APLP2: variants seen among roughly 807,000 people sequenced by gnomAD.
APLP2 encodes CDEI box-binding protein.
Under a neutral mutation model 89.9 loss-of-function variants are expected in APLP2, and 53 were observed. The ratio of observed to expected loss-of-function variants is 0.59; its 90% CI spans 0.47 to 0.74. The LOEUF (loss-of-function observed/expected upper bound fraction) is 0.74, where lower values mean the gene tolerates loss of function less well. APLP2 is among the 30% of genes least tolerant of loss of function. The probability of loss-of-function intolerance (pLI) is 0.00; values close to 1 mark genes in which losing one functional copy is unlikely to be tolerated. For missense variants in APLP2, 973 were observed against 975.9 expected, an observed-to-expected ratio of 1.00 and a Z score of 0.04; for synonymous variants, 372 against 348.6, an observed-to-expected ratio of 1.07 and a Z score of -0.75.
Position 130,073,087 on chromosome 11 carries a change from A to G in APLP2, c.105+3005A>G, listed in dbSNP as rs562685219. On this transcript the variant is annotated intron_variant, in intron 1 of 16. Transcript: ENST00000338167. ...AATTTACTTTTAAACTGTACATTTT[A>G]TGAAATCTAAATGTAGATCAAGTAT... is the stretch of plus-strand genomic sequence containing the variant. Among the ~76,000 whole-genome samples, 6 of 152,368 alleles carry G rather than the reference A, an allele frequency of 3.9e-5. No individual in the cohort carries two copies. In the South Asian group the frequency reaches 1.2e-3, roughly 32 times the overall value.
chr11:130,080,887 T>C (rs925676389), intron 1 of APLP2, among the ~76,000 whole-genome samples: 2 of 151,612 alleles, frequency 1.3e-5, no homozygotes, highest in African/African-American at 4.8e-5. Flanking sequence ...TTAGTAGAGA[T>C]GGGGTTTCAC....
At chr11:130,084,076 C>G (rs909498470) in intron 1 of APLP2, among the ~76,000 whole-genome samples, 1 of 152,088 alleles carries the variant, frequency 6.6e-6, no homozygotes, top group Non-Finnish European at 1.5e-5. Flanking sequence ...GAAACCCTGT[C>G]TCTACTAAAA....
chr11:130,094,047 AT>A (rs138605738), intron 1 of APLP2, among the ~76,000 whole-genome samples: 6,085 of 76,426 alleles, frequency 0.08, 112 homozygotes, highest in African/African-American at 0.13. Context: ...TCCCGGCCGT[AT>A]TTTTTTTTTT....
intron 13 of APLP2, among the ~76,000 whole-genome samples, chr11:130,138,338 T>C (rs1951878828): frequency 6.6e-6 from 1 of 152,184 alleles, no homozygotes; most frequent in Non-Finnish European, 1.5e-5. Flanking sequence ...TATTTTATTC[T>C]ACTTGGATAT....
chr11:130,115,295 T>G (rs1565582123), intron 3 of APLP2, among the ~76,000 whole-genome samples: 1 of 152,204 alleles, frequency 6.6e-6, no homozygotes, highest in Non-Finnish European at 1.5e-5. Flanking sequence ...GCATATAGTG[T>G]GTAATAGTCA....
At chr11:130,073,389 T>C (rs1266131828) in intron 1 of APLP2, among the ~76,000 whole-genome samples, 1 of 152,242 alleles carries the variant, frequency 6.6e-6, no homozygotes, top group Admixed American at 6.5e-5. Context: ...AAGTTGGTCC[T>C]GCATATGTTT....
rs1949828461 is a variant in APLP2 at position 130,121,619 on chromosome 11, T to C, written c.522T>C (p.Cys174=). ...QHWHTVVKEA[C]LTQGMTLYSY... is the part of the protein sequence containing the mutation. ...GGCCTGTGGGTTTCTTTTAGGCATG[T>C]CTGACTCAGGGAATGACCTTATATA... Residue 174 remains cysteine, a synonymous_variant, in exon 5 of 17, where the codon TGT becomes TGC. Transcript: ENST00000338167. The C allele has an allele frequency of 6.2e-7, 1 of 1,612,766 alleles. No homozygotes were observed. Among genetic ancestry groups the C allele is most frequent in the Non-Finnish European group, 8.5e-7 (1 of 1,179,090 alleles).
intron 1 of APLP2, among the ~76,000 whole-genome samples, chr11:130,070,362 C>T (rs1940706476): frequency 1.3e-5 from 2 of 151,344 alleles, no homozygotes; most frequent in Admixed American, 6.6e-5. Flanking sequence ...CCAACCCGCC[C>T]GCGGCGCCGC....
intron 4 of APLP2, among the ~76,000 whole-genome samples, chr11:130,121,150 C>T (rs545204213): frequency 6.6e-5 from 10 of 152,318 alleles, no homozygotes; most frequent in Non-Finnish European, 1.2e-4. Context: ...AAATATAGGT[C>T]TGGACATATG....
intron 1 of APLP2, among the ~76,000 whole-genome samples, chr11:130,101,164 C>T (rs1449028015): frequency 6.6e-6 from 1 of 152,010 alleles, no homozygotes; most frequent in Non-Finnish European, 1.5e-5. Context: ...AGGATGTGTA[C>T]CCGTGTGTTT....
intron 1 of APLP2, among the ~76,000 whole-genome samples, chr11:130,091,251 G>A (rs1945068280): frequency 7.4e-6 from 1 of 134,384 alleles, no homozygotes; most frequent in South Asian, 2.3e-4. Context: ...CGCACGGGGC[G>A]GCTGGCCGGG....
intron 1 of APLP2, among the ~76,000 whole-genome samples, chr11:130,081,116 A>G (rs1222934143): frequency 1.3e-5 from 2 of 152,040 alleles, no homozygotes; most frequent in Admixed American, 1.3e-4. Context: ...CCCCCCAAAA[A>G]CAAAAGAGTA....
Position 130,110,561 on chromosome 11 carries a change from A to G in APLP2, c.303A>G (p.Thr101=). The change falls in exon 3 of 17, where the codon ACA becomes ACG. Residue 101 remains threonine (T), a synonymous_variant. Transcript: ENST00000338167. ...AGATGTATCCAGAGCTACAGATCAC[A>G]AATGTGATGGAGGCAAACCAGCGGG... ...CQEMYPELQI[T]NVMEANQRVS... The G allele has an allele frequency of 6.2e-7, 1 of 1,613,966 alleles. No individual in the cohort carries two copies. The highest frequency in any genetic ancestry group is 8.5e-7 in the Non-Finnish European group (1 of 1,179,974).
intron 3 of APLP2, among the ~76,000 whole-genome samples, chr11:130,114,988 G>A (rs1013007825): frequency 6.6e-6 from 1 of 151,330 alleles, no homozygotes; most frequent in East Asian, 1.9e-4. Context: ...CCTGTTCCTG[G>A]TGTGGACCCC....
chr11:130,130,634 T>C (rs1950840207), intron 11 of APLP2, among the ~76,000 whole-genome samples: 1 of 152,246 alleles, frequency 6.6e-6, no homozygotes, highest in Non-Finnish European at 1.5e-5. Context: ...ATATATTAAC[T>C]TGAGTTTTAC....
intron 1 of APLP2, among the ~76,000 whole-genome samples, chr11:130,084,705 G>T (rs1943824515): frequency 6.6e-6 from 1 of 151,908 alleles, no homozygotes; most frequent in Non-Finnish European, 1.5e-5. Context: ...GTTTATAGCA[G>T]TAAATGCCTA....
At chr11:130,118,675 C>T (rs570598901) in intron 3 of APLP2, among the ~76,000 whole-genome samples, 3 of 152,278 alleles carry the variant, frequency 2.0e-5, no homozygotes, top group South Asian at 2.1e-4. Context: ...TGTTCATTCT[C>T]GTAGAGGCAG....
chr11:130,098,129 G>A (rs1246250753), intron 1 of APLP2, among the ~76,000 whole-genome samples: 2 of 152,142 alleles, frequency 1.3e-5, no homozygotes, highest in East Asian at 1.9e-4. Context: ...ATATTTGGCC[G>A]GGCGCGGTGG....
intron 5 of APLP2, 63 bp downstream of exon 5, chr11:130,121,873 G>C: frequency 6.4e-7 from 1 of 1,563,942 alleles, no homozygotes; most frequent in Non-Finnish European, 8.6e-7. Flanking sequence ...CTGTAAAGAC[G>C]GCTGTTGGCT....
Sources: allele counts gnomAD v4.1 joint callset (sites outside exome capture counted in the v4.1 genomes callset), GRCh38; gene constraint gnomAD v4.1.1; transcripts MANE v1.5; gene names NCBI Gene and HGNC (gene_info 2026-07-23, HGNC 2026-07-21).